Variants in AKAP19 observed in about 807,000 individuals in gnomAD.
AKAP19 encodes small A-kinase anchoring protein.
chr2:189,960,520 C>G, the AKAP19 span, among the ~76,000 whole-genome samples: 2 of 152,170 alleles, frequency 1.3e-5, no homozygotes, highest in African/African-American at 4.8e-5. Context: ...TCTTTTAACA[C>G]AGTGATTACT....
the AKAP19 span, chr2:190,060,256 T>C: frequency 6.2e-7 from 1 of 1,613,132 alleles, no homozygotes; most frequent in Non-Finnish European, 8.5e-7. Flanking sequence ...CCAGTATACC[T>C]TGTACCGTCT....
the AKAP19 span, among the ~76,000 whole-genome samples, chr2:189,958,013 C>T: frequency 1.3e-5 from 2 of 152,056 alleles, no homozygotes; most frequent in African/African-American, 2.4e-5. Flanking sequence ...AGGCTGGTCT[C>T]GAACTCCTGA....
At chr2:189,970,120 G>A in the AKAP19 span, among the ~76,000 whole-genome samples, 11 of 151,958 alleles carry the variant, frequency 7.2e-5, no homozygotes, top group South Asian at 2.1e-4. Flanking sequence ...ACTTGCCTTG[G>A]CCTCCCAAAG....
the AKAP19 span, among the ~76,000 whole-genome samples, chr2:189,985,497 G>A: frequency 4.3e-4 from 66 of 152,270 alleles, no homozygotes; most frequent in East Asian, 8.1e-3. Context: ...GCATATGTCC[G>A]TTGCTTTGAA....
the AKAP19 span, among the ~76,000 whole-genome samples, chr2:190,008,361 T>C: frequency 6.6e-6 from 1 of 152,304 alleles, no homozygotes; most frequent in East Asian, 1.9e-4. Context: ...ACAACTCTTA[T>C]ACCATTTAAT....
At chr2:190,160,170 A>G in the AKAP19 span, among the ~76,000 whole-genome samples, 3 of 152,102 alleles carry the variant, frequency 2.0e-5, no homozygotes, top group Non-Finnish European at 4.4e-5. Context: ...TTTTCTTTCT[A>G]TTTCTTAAAT....
chr2:190,091,487 GT>G, the AKAP19 span, among the ~76,000 whole-genome samples: 2 of 151,158 alleles, frequency 1.3e-5, no homozygotes, highest in Non-Finnish European at 3.0e-5. Flanking sequence ...TGTTTCCTAT[GT>G]TTCTTAAAGT....
the AKAP19 span, among the ~76,000 whole-genome samples, chr2:189,935,853 T>C: frequency 2.6e-5 from 4 of 152,138 alleles, no homozygotes. Flanking sequence ...GTTTGCTTCA[T>C]GAATTTTACA....
the AKAP19 span, chr2:189,930,407 G>T: frequency 3.4e-6 from 1 of 293,396 alleles, no homozygotes; most frequent in African/African-American, 2.2e-5. Flanking sequence ...GCTGGGCGCG[G>T]TGGCTTCACG....
chr2:189,893,651 G>A, the AKAP19 span, among the ~76,000 whole-genome samples: 4 of 147,958 alleles, frequency 2.7e-5, no homozygotes, highest in African/African-American at 1.0e-4. Flanking sequence ...GCAGACCAGA[G>A]CTGTTCCTGT....
chr2:189,927,217 T>C, the AKAP19 span, among the ~76,000 whole-genome samples: 9 of 152,158 alleles, frequency 5.9e-5, no homozygotes, highest in Non-Finnish European at 1.5e-5. Context: ...TGCAATACCT[T>C]TGCTACTTTA....
the AKAP19 span, among the ~76,000 whole-genome samples, chr2:189,903,345 C>T: frequency 1.3e-5 from 2 of 151,860 alleles, no homozygotes; most frequent in African/African-American, 2.4e-5. Flanking sequence ...AATTTCTAAC[C>T]ACTAAGCTTA....
the AKAP19 span, chr2:189,923,978 A>T: frequency 6.2e-7 from 1 of 1,603,796 alleles, no homozygotes. Context: ...AGCAGTAGAG[A>T]TGAACAATGT....
chr2:190,082,116 T>C, the AKAP19 span, among the ~76,000 whole-genome samples: 1 of 152,194 alleles, frequency 6.6e-6, no homozygotes. Context: ...CTACTTTACC[T>C]TTTGATGCCA....
the AKAP19 span, among the ~76,000 whole-genome samples, chr2:189,949,362 A>C: frequency 6.6e-6 from 1 of 152,002 alleles, no homozygotes; most frequent in Non-Finnish European, 1.5e-5. Flanking sequence ...AACTAGCCTG[A>C]CCAAGATGGT....
the AKAP19 span, among the ~76,000 whole-genome samples, chr2:189,951,124 C>T: frequency 5.7e-4 from 86 of 151,468 alleles, no homozygotes; most frequent in African/African-American, 2.0e-3. Flanking sequence ...ATCAGACTTC[C>T]TAGTACCAGT....
chr2:189,926,191 T>C, the AKAP19 span, among the ~76,000 whole-genome samples: 2 of 152,266 alleles, frequency 1.3e-5, no homozygotes, highest in African/African-American at 4.8e-5. Context: ...TAAATCTCAC[T>C]GTTTATGGAG....
chr2:189,891,870 G>T, the AKAP19 span, among the ~76,000 whole-genome samples: 1 of 152,024 alleles, frequency 6.6e-6, no homozygotes, highest in Non-Finnish European at 1.5e-5. Context: ...CAGGTACACT[G>T]ATCAAATGTA....
At chr2:189,887,725 G>T in the AKAP19 span, among the ~76,000 whole-genome samples, 7 of 152,280 alleles carry the variant, frequency 4.6e-5, no homozygotes, top group Admixed American at 2.0e-4. Context: ...GACCAGTGAT[G>T]ATGAGCTTTT....
Sources: allele counts gnomAD v4.1 joint callset (sites outside exome capture counted in the v4.1 genomes callset), GRCh38; gene constraint gnomAD v4.1.1; transcripts MANE v1.5; gene names NCBI Gene and HGNC (gene_info 2026-07-23, HGNC 2026-07-21).